The following SPAG6 variants were observed in gnomAD, a reference collection of about 807,000 sequenced individuals.
SPAG6 encodes sperm-associated antigen 6.
SPAG6 carries 49 observed loss-of-function variants against 58.5 expected under a neutral mutation model. The observed-to-expected ratio is 0.84, with a 90% confidence interval of 0.67 to 1.06. The LOEUF (loss-of-function observed/expected upper bound fraction) is 1.06, where lower values mean the gene tolerates loss of function less well. Among genes scored for constraint, SPAG6 ranks in the 50% least tolerant of loss-of-function variants. The probability of loss-of-function intolerance (pLI) is 0.00; values close to 1 mark genes in which losing one functional copy is unlikely to be tolerated. For synonymous variants in SPAG6, 233 were observed against 225.6 expected (o/e 1.03, Z -0.29); for missense variants, 560 against 611.3 (o/e 0.92, Z 0.89).
At chr10:22,383,539 T>C (rs1031530894) in intron 4 of SPAG6, among the ~76,000 whole-genome samples, 1 of 151,876 alleles carries the variant, frequency 6.6e-6, no homozygotes, top group African/African-American at 2.4e-5. Context: ...CTCGAGAGGC[T>C]GAGGCAGAGA....
At chr10:22,362,242 C>G (rs1837066283) in intron 2 of SPAG6, among the ~76,000 whole-genome samples, 1 of 147,144 alleles carries the variant, frequency 6.8e-6, no homozygotes, top group South Asian at 2.1e-4. Flanking sequence ...TATATTTCCC[C>G]CCCAAAACAA....
intron 2 of SPAG6, among the ~76,000 whole-genome samples, chr10:22,348,834 C>T (rs916751149): frequency 1.3e-5 from 2 of 152,000 alleles, no homozygotes; most frequent in Non-Finnish European, 2.9e-5. Context: ...AGTTTGATTT[C>T]CTTCTTTTTT....
At chr10:22,360,465 CAAA>C (rs758460726) in intron 2 of SPAG6, among the ~76,000 whole-genome samples, 3 of 54,848 alleles carry the variant, frequency 5.5e-5, no homozygotes. Context: ...AACCATGTCA[CAAA>C]AAAAAAAAAA....
intron 10 of SPAG6, chr10:22,412,331 A>T: frequency 1.7e-6 from 1 of 586,568 alleles, no homozygotes; most frequent in South Asian, 2.2e-5. Flanking sequence ...CATGTCTGTT[A>T]ATTCTTCCTG....
intron 2 of SPAG6, among the ~76,000 whole-genome samples, chr10:22,360,169 C>T (rs1284043168): frequency 6.6e-6 from 1 of 152,032 alleles, no homozygotes; most frequent in East Asian, 1.9e-4. Flanking sequence ...AGTTTCTTGA[C>T]AGTAGGTGTC....
At chr10:22,409,131 C>T (rs1048102479) in intron 9 of SPAG6, among the ~76,000 whole-genome samples, 12 of 152,158 alleles carry the variant, frequency 7.9e-5, no homozygotes, top group Admixed American at 2.0e-4. Flanking sequence ...TGTTCCTATT[C>T]GGCCATCTTG....
intron 9 of SPAG6, among the ~76,000 whole-genome samples, chr10:22,407,769 G>A (rs1180710392): frequency 3.9e-5 from 6 of 152,012 alleles, no homozygotes; most frequent in Admixed American, 2.0e-4. Context: ...TCACTTTCAG[G>A]TACACCAATC....
chr10:22,357,677 G>A (rs896980175), intron 2 of SPAG6, among the ~76,000 whole-genome samples: 4 of 151,360 alleles, frequency 2.6e-5, no homozygotes, highest in African/African-American at 9.7e-5. Flanking sequence ...CTGGTGTGCT[G>A]CACCCATTAA....
intron 4 of SPAG6, among the ~76,000 whole-genome samples, chr10:22,384,863 G>A (rs1024327761): frequency 6.6e-6 from 1 of 152,186 alleles, no homozygotes; most frequent in African/African-American, 2.4e-5. Flanking sequence ...CAAGGAACAG[G>A]TCAAATGAAT....
chr10:22,360,727 C>T (rs1837010820), intron 2 of SPAG6: 7 of 1,127,262 alleles, frequency 6.2e-6, no homozygotes, highest in South Asian at 4.6e-5. Context: ...TTCAAGTGAG[C>T]CCCAGTGATG....
chr10:22,380,092 C>T (rs1185978517), intron 4 of SPAG6, among the ~76,000 whole-genome samples: 1 of 152,006 alleles, frequency 6.6e-6, no homozygotes, highest in African/African-American at 2.4e-5. Flanking sequence ...CTGCGCCTGG[C>T]CAACAGATTT....
At chr10:22,346,430 G>GTTCTTCTTCCTCTTCTTCTTC (rs1836532259) in intron 2 of SPAG6, among the ~76,000 whole-genome samples, 1 of 95,920 alleles carries the variant, frequency 1.0e-5, no homozygotes, top group South Asian at 4.4e-4. Context: ...AGAGAAAATG[G>GTTCTTCTTCCTCTTCTTCTTC]TTCTTCTTCT....
chr10:22,386,928 A>G lies in SPAG6; in HGVS notation c.647A>G (p.Gln216Arg), dbSNP rs7074847. Reference protein sequence around the residue: ...VDAGAVAHLAQMILNPDAKLK... With the variant: ...VDAGAVAHLARMILNPDAKLK... ...GCAGGAGCTGTTGCTCATTTAGCCC[A>G]GATGATCCTGAACCCTGATGCTAAA... The change falls in exon 5 of 11, where the codon CAG becomes CGG. Residue 216 changes from glutamine to arginine, a missense_variant. Transcript: ENST00000376624. 0.038 allele frequency: 61,958 copies of G among 1,613,474 alleles called. 10,837 individuals carry two copies. The African/African-American group carries it at 0.52, about 14-fold the overall frequency.
chr10:22,366,079 A>T (rs1204572131), intron 3 of SPAG6, among the ~76,000 whole-genome samples: 1 of 152,310 alleles, frequency 6.6e-6, no homozygotes, highest in Non-Finnish European at 1.5e-5. Flanking sequence ...TATCCAAAAG[A>T]ATTGAAAACA....
chr10:22,350,788 C>G (rs563558611), intron 2 of SPAG6, among the ~76,000 whole-genome samples: 31 of 152,170 alleles, frequency 2.0e-4, no homozygotes, highest in African/African-American at 7.2e-4. Flanking sequence ...CCACTAAACC[C>G]ACTAACTCCA....
intron 8 of SPAG6, among the ~76,000 whole-genome samples, chr10:22,395,987 T>G (rs1278084945): frequency 1.3e-5 from 2 of 152,204 alleles, no homozygotes; most frequent in Non-Finnish European, 2.9e-5. Flanking sequence ...TGAAGAAGTT[T>G]AATTGACTCA....
chr10:22,352,203 G>T (rs1231070200), intron 2 of SPAG6, among the ~76,000 whole-genome samples: 2 of 151,560 alleles, frequency 1.3e-5, no homozygotes, highest in African/African-American at 4.9e-5. Flanking sequence ...ATGTGTGTGT[G>T]CGTGTATGTG....
chr10:22,354,158 CA>C (rs1456121576), intron 2 of SPAG6, among the ~76,000 whole-genome samples: 1 of 152,168 alleles, frequency 6.6e-6, no homozygotes, highest in Non-Finnish European at 1.5e-5. Flanking sequence ...GCAATTTTAG[CA>C]GTCTTTTGGA....
chr10:22,390,833 T>C (rs954886373), intron 7 of SPAG6, among the ~76,000 whole-genome samples: 4 of 152,192 alleles, frequency 2.6e-5, no homozygotes, highest in African/African-American at 9.6e-5. Flanking sequence ...GAAATTGGTC[T>C]TAATAACCAA....
Sources: gnomAD v4.1 joint callset for allele counts (sites outside exome capture counted in the v4.1 genomes callset) on GRCh38, gnomAD v4.1.1 for gene constraint, MANE v1.5 for transcripts, NCBI Gene and HGNC (gene_info 2026-07-23, HGNC 2026-07-21) for gene names.